Variants in GBF1 observed in about 807,000 individuals in gnomAD.
GBF1 encodes golgi brefeldin A resistant guanine nucleotide exchange factor 1, also known as Golgi-specific brefeldin A-resistance guanine nucleotide exchange factor 1.
A neutral mutation model predicts 210.5 loss-of-function variants in GBF1; 114 were observed. That is an observed-to-expected ratio of 0.54 (90% CI 0.47 to 0.63). GBF1 has a LOEUF of 0.63. Among genes scored for constraint, GBF1 ranks in the 30% least tolerant of loss-of-function variants. The pLI, the probability that GBF1 is intolerant of heterozygous loss-of-function variation, is 0.00. For missense variants in GBF1, 1,851 were observed against 2,357.7 expected (o/e 0.79, Z 4.45); for synonymous variants, 850 against 889.2 (o/e 0.96, Z 0.78).
At chr10:102,317,533 C>A (rs1448549306) in intron 3 of GBF1, among the ~76,000 whole-genome samples, 1 of 152,106 alleles carries the variant, frequency 6.6e-6, no homozygotes, top group South Asian at 2.1e-4. Context: ...GCAGGAGAAT[C>A]GCTTGAACCC....
chr10:102,299,695 T>G (rs2077181826), intron 3 of GBF1, among the ~76,000 whole-genome samples: 1 of 151,994 alleles, frequency 6.6e-6, no homozygotes, highest in Admixed American at 6.5e-5. Flanking sequence ...GGCAGGAGAA[T>G]CGCTTGAACC....
chr10:102,321,011 G>C (rs576124850), intron 3 of GBF1, among the ~76,000 whole-genome samples: 58 of 152,094 alleles, frequency 3.8e-4, no homozygotes, highest in Admixed American at 1.6e-3. Flanking sequence ...GGCCAAGCTG[G>C]TCTCAAACTC....
intron 3 of GBF1, among the ~76,000 whole-genome samples, chr10:102,339,349 C>T (rs757989900): frequency 6.6e-5 from 10 of 151,098 alleles, no homozygotes; most frequent in Non-Finnish European, 1.2e-4. Context: ...GGTGACAGAG[C>T]GAGACTCTGT....
At chr10:102,296,820 G>A (rs796076215) in intron 3 of GBF1, among the ~76,000 whole-genome samples, 19 of 152,014 alleles carry the variant, frequency 1.2e-4, no homozygotes, top group South Asian at 6.2e-4. Context: ...CAAGGTGGGC[G>A]GATCACTTGA....
At chr10:102,342,409 T>TCACA (rs1026095307) in intron 3 of GBF1, among the ~76,000 whole-genome samples, 1 of 146,460 alleles carries the variant, frequency 6.8e-6, no homozygotes, top group Admixed American at 6.8e-5. Flanking sequence ...ACACACACAC[T>TCACA]CACACACAGA....
chr10:102,293,300 G>A (rs2076591630), intron 3 of GBF1, among the ~76,000 whole-genome samples: 1 of 152,146 alleles, frequency 6.6e-6, no homozygotes. Flanking sequence ...TGTTTGTGGT[G>A]ATGCTGTTGT....
chr10:102,253,523 T>A (rs926037030), intron 1 of GBF1, among the ~76,000 whole-genome samples: 2 of 151,742 alleles, frequency 1.3e-5, no homozygotes, highest in African/African-American at 4.8e-5. Context: ...TAAAAACAAT[T>A]TTTTTTTTGA....
chr10:102,235,675 G>A, the GBF1 span, among the ~76,000 whole-genome samples: 1 of 152,150 alleles, frequency 6.6e-6, no homozygotes, highest in African/African-American at 2.4e-5. Flanking sequence ...TCTATGAGCT[G>A]GGCATTGAGT....
the GBF1 span, among the ~76,000 whole-genome samples, chr10:102,235,170 C>CCT: frequency 1.4e-5 from 1 of 71,500 alleles, no homozygotes; most frequent in Non-Finnish European, 2.8e-5. Flanking sequence ...TACCCTTCCC[C>CCT]CACCCCCCAC....
intron 3 of GBF1, among the ~76,000 whole-genome samples, chr10:102,325,489 G>T (rs561888361): frequency 6.8e-6 from 1 of 148,146 alleles, no homozygotes; most frequent in Non-Finnish European, 1.5e-5. Context: ...GACGGAGGTT[G>T]CAGTGAGCTG....
At position 102,376,814 on chromosome 10, in the gene GBF1, T is replaced by G. The variant is rs150136542; in HGVS notation, c.4288+14T>G. On this transcript the variant is annotated intron_variant, in intron 32 of 39. Coordinates refer to ENST00000369983, the MANE Select transcript of GBF1 (RefSeq NM_001377137.1). ...GTCTGAATGGCGGTGGGTCAGCTGA[T>G]GAGGGGGCAGCTGGGGAGTAGCCAT... 27,794 of 1,608,738 alleles carry G rather than the reference T, an allele frequency of 0.017. 319 individuals carry two copies. The highest frequency in any genetic ancestry group is 0.029 in the Middle Eastern group (178 of 6,062).
At chr10:102,242,792 G>A (rs2070571127), upstream of GBF1, among the ~76,000 whole-genome samples, 1 of 152,062 alleles carries the variant, frequency 6.6e-6, no homozygotes, top group South Asian at 2.1e-4. Context: ...AGCCGGGCTT[G>A]GTGGCGGGTG....
At chr10:102,264,500 G>A (rs1431987505) in intron 3 of GBF1, among the ~76,000 whole-genome samples, 1 of 151,984 alleles carries the variant, frequency 6.6e-6, no homozygotes. Flanking sequence ...AATCTTTTCC[G>A]GATGCAAATT....
chr10:102,379,774 C>A (rs1427690383), intron 35 of GBF1, 79 bp from the exon 36 acceptor site: 5 of 1,464,650 alleles, frequency 3.4e-6, no homozygotes. Flanking sequence ...GCTCTATGCC[C>A]ATCCAGTTCC....
At chr10:102,368,547 A>T (rs748857779) in intron 22 of GBF1, 93 bp downstream of exon 22, 2 of 883,772 alleles carry the variant, frequency 2.3e-6, no homozygotes, top group African/African-American at 3.3e-5. Context: ...CTGTTACTTC[A>T]TTAGAATGGG....
intron 3 of GBF1, among the ~76,000 whole-genome samples, chr10:102,261,268 G>A (rs527750970): frequency 7.3e-4 from 110 of 151,224 alleles, no homozygotes; most frequent in Non-Finnish European, 9.3e-4. Context: ...TTTATTTTAT[G>A]TATATATATA....
At chr10:102,327,059 A>G (rs894441639) in intron 3 of GBF1, among the ~76,000 whole-genome samples, 3 of 152,198 alleles carry the variant, frequency 2.0e-5, no homozygotes, top group African/African-American at 4.8e-5. Context: ...TTATGTAGCT[A>G]TGTCTTGTAA....
At position 102,315,650 on chromosome 10, in the gene GBF1, C is replaced by A. The variant is rs139836169; in HGVS notation, c.164-28401C>A. On this transcript the variant is annotated intron_variant, in intron 3 of 39. Transcript: ENST00000369983. The stretch of plus-strand genomic sequence containing the variant: ...GCAGTTCACAATAGGGTTTGTGCTC[C>A]TATGAAAATCTAATGTCGTCGCTAA... Among the ~76,000 whole-genome samples, 9 of 152,258 alleles carry A rather than the reference C, an allele frequency of 5.9e-5. No individual in the cohort carries two copies. The East Asian group carries it at 1.7e-3, about 29-fold the overall frequency.
intron 3 of GBF1, among the ~76,000 whole-genome samples, chr10:102,342,389 G>A (rs910772898): frequency 1.4e-4 from 20 of 144,006 alleles, no homozygotes; most frequent in African/African-American, 4.9e-4. Flanking sequence ...TCACACACAC[G>A]CACACACACA....
Sources: gnomAD v4.1 joint callset for allele counts (sites outside exome capture counted in the v4.1 genomes callset) on GRCh38, gnomAD v4.1.1 for gene constraint, MANE v1.5 for transcripts, NCBI Gene and HGNC (gene_info 2026-07-23, HGNC 2026-07-21) for gene names.